RSF1: variants seen among roughly 807,000 people sequenced by gnomAD.
RSF1 encodes the protein remodeling and spacing factor 1.
Under a neutral mutation model 145.2 loss-of-function variants are expected in RSF1, and 13 were observed. The ratio of observed to expected loss-of-function variants is 0.09; its 90% CI spans 0.06 to 0.14. RSF1 has a LOEUF of 0.14. Ranked by LOEUF, RSF1 falls within the 10% of genes least tolerant of loss-of-function variation. RSF1 has a pLI of 1.00. For missense variants in RSF1, 1,517 were observed against 1,718.2 expected (o/e 0.88, Z 2.07); for synonymous variants, 577 against 592.6 (o/e 0.97, Z 0.38).
intron 3 of RSF1, among the ~76,000 whole-genome samples, chr11:77,742,520 C>T (rs563106193): frequency 2.0e-5 from 3 of 152,198 alleles, no homozygotes; most frequent in South Asian, 2.1e-4. Context: ...CCTCGTGATC[C>T]GCCTGCCTTG....
At chr11:77,681,430 C>T (rs549421441) in intron 11 of RSF1, among the ~76,000 whole-genome samples, 1 of 152,222 alleles carries the variant, frequency 6.6e-6, no homozygotes, top group African/African-American at 2.4e-5. Context: ...TCCTTACTTT[C>T]CCCTTTCCTT....
At chr11:77,681,507 T>A (rs994621786) in intron 11 of RSF1, among the ~76,000 whole-genome samples, 3 of 152,166 alleles carry the variant, frequency 2.0e-5, no homozygotes, top group Non-Finnish European at 4.4e-5. Flanking sequence ...CTTGAACTTT[T>A]GGGCTGAAAC....
At chr11:77,674,726 G>A (rs181872186) in intron 14 of RSF1, among the ~76,000 whole-genome samples, 147 of 152,350 alleles carry the variant, frequency 9.6e-4, no homozygotes, top group African/African-American at 3.4e-3. Flanking sequence ...GCTGGCCAGC[G>A]TGCTGGCTCA....
rs1289279911 is a variant in RSF1, at chr11:77,677,007, T to C, written c.3134-8A>G. The C allele has an allele frequency of 6.2e-7, 1 of 1,610,540 alleles. No homozygotes were observed. Among genetic ancestry groups the C allele is most frequent in the African/African-American group, 1.3e-5 (1 of 74,588 alleles). On this transcript the variant is annotated splice_region_variant and splice_polypyrimidine_tract_variant and intron_variant, in intron 12 of 15. Coordinates refer to ENST00000308488, the MANE Select transcript of RSF1 (RefSeq NM_016578.4). ...CTTTTCCTCGGCCAACTCCTGAATT[T>C]GGGGGAGGGAAGTTCGGGGAGAGAA...
chr11:77,783,181 CATTAT>C (rs1948421327), intron 1 of RSF1, among the ~76,000 whole-genome samples: 1 of 152,172 alleles, frequency 6.6e-6, no homozygotes. Flanking sequence ...TTTACCCTTA[CATTAT>C]ATTTGCAATT....
At chr11:77,788,855 A>G (rs1948488097) in intron 1 of RSF1, among the ~76,000 whole-genome samples, 1 of 152,210 alleles carries the variant, frequency 6.6e-6, no homozygotes. Flanking sequence ...GTGAGTAGAT[A>G]ATGACACTTT....
intron 1 of RSF1, among the ~76,000 whole-genome samples, chr11:77,795,744 T>C (rs1361928367): frequency 6.6e-6 from 1 of 152,190 alleles, no homozygotes; most frequent in Non-Finnish European, 1.5e-5. Flanking sequence ...TTAAACATTA[T>C]TTGTAGAAAA....
At chr11:77,688,704 C>A (rs1010038263) in intron 9 of RSF1, among the ~76,000 whole-genome samples, 1 of 152,022 alleles carries the variant, frequency 6.6e-6, no homozygotes, top group Non-Finnish European at 1.5e-5. Flanking sequence ...GCAGGAGGAT[C>A]CCTTGAGCCC....
At chr11:77,869,426 A>C in the RSF1 span, among the ~76,000 whole-genome samples, 2 of 148,556 alleles carry the variant, frequency 1.3e-5, no homozygotes, top group African/African-American at 5.0e-5. Context: ...AATCCTCCCA[A>C]CTCAGCTCTC....
chr11:77,740,492 G>GAT (rs1961482547), intron 4 of RSF1, among the ~76,000 whole-genome samples: 2 of 152,262 alleles, frequency 1.3e-5, no homozygotes, highest in East Asian at 3.9e-4. Flanking sequence ...CTGGCTTCCT[G>GAT]ATGTATAAGG....
intron 4 of RSF1, among the ~76,000 whole-genome samples, chr11:77,736,021 G>A (rs1187733449): frequency 1.3e-5 from 2 of 152,214 alleles, no homozygotes; most frequent in Non-Finnish European, 2.9e-5. Flanking sequence ...ACAGGTGTGA[G>A]CCGCCGCACC....
intron 1 of RSF1, among the ~76,000 whole-genome samples, chr11:77,782,663 GA>G (rs966473168): frequency 6.6e-6 from 1 of 150,542 alleles, no homozygotes; most frequent in Non-Finnish European, 1.5e-5. Context: ...GGGTAGAGGG[GA>G]AAAAAAAATC....
chr11:77,800,481 G>C lies in RSF1; in HGVS notation c.187+20047C>G, dbSNP rs1948615693. Among the ~76,000 whole-genome samples, 3 of 151,916 alleles carry C rather than the reference G, an allele frequency of 2.0e-5. 1 individual carries two copies. In the South Asian group the frequency reaches 6.2e-4, roughly 32 times the overall value. On this transcript the variant is annotated intron_variant, in intron 1 of 15. Transcript: ENST00000308488. Reference sequence around the variant, plus strand: ...CACTGCAGCCTGGGCAACAAAACAAGAACCTGTCTCAAAAAAAAAGAAAAG... The same window carrying C: ...CACTGCAGCCTGGGCAACAAAACAACAACCTGTCTCAAAAAAAAAGAAAAG...
chr11:77,716,950 G>A (rs1224243393), intron 5 of RSF1, among the ~76,000 whole-genome samples: 2 of 152,142 alleles, frequency 1.3e-5, no homozygotes, highest in East Asian at 1.9e-4. Flanking sequence ...GGCCGAGACG[G>A]GTGGATCACT....
At chr11:77,785,451 G>A (rs1431033792) in intron 1 of RSF1, among the ~76,000 whole-genome samples, 1 of 152,080 alleles carries the variant, frequency 6.6e-6, no homozygotes, top group Non-Finnish European at 1.5e-5. Flanking sequence ...TTAGCCAGCC[G>A]TGGTGGCATA....
intron 4 of RSF1, 48 bp downstream of exon 4, chr11:77,740,683 A>C: frequency 6.6e-7 from 1 of 1,516,022 alleles, no homozygotes; most frequent in Non-Finnish European, 9.2e-7. Context: ...AACGAGATCA[A>C]TGTACAAAAC....
At chr11:77,699,380 G>C (rs1230965478) in intron 6 of RSF1, among the ~76,000 whole-genome samples, 2 of 150,174 alleles carry the variant, frequency 1.3e-5, no homozygotes, top group Non-Finnish European at 3.0e-5. Flanking sequence ...CTACACTATA[G>C]GTCGTCAGCA....
At chr11:77,736,456 T>A (rs1961355180) in intron 4 of RSF1, among the ~76,000 whole-genome samples, 1 of 152,206 alleles carries the variant, frequency 6.6e-6, no homozygotes. Flanking sequence ...TATGATCTCA[T>A]CCAAGTCAAA....
rs1959373917 is a variant in RSF1 at position 77,666,841 on chromosome 11, A to T, written c.*76T>A. The T allele has an allele frequency of 1.6e-6, 2 of 1,263,640 alleles. No homozygotes were observed. Among genetic ancestry groups the T allele is most frequent in the African/African-American group, 3.0e-5 (2 of 67,558 alleles). 78.3% of individuals were successfully genotyped at this position (1,263,640 alleles called of 1,614,324 possible). On this transcript the variant is annotated 3_prime_UTR_variant, in exon 16 of 16. Transcript: ENST00000308488. ...GTAGTGGAGTTTTCTAGGAAAAATTAAACAGCTTTTAATAACTGGCCCGCT... is the reference window on the plus strand; with the variant it reads ...GTAGTGGAGTTTTCTAGGAAAAATTTAACAGCTTTTAATAACTGGCCCGCT...
Sources: allele counts gnomAD v4.1 joint callset (sites outside exome capture counted in the v4.1 genomes callset), GRCh38; gene constraint gnomAD v4.1.1; transcripts MANE v1.5; gene names NCBI Gene and HGNC (gene_info 2026-07-23, HGNC 2026-07-21).